Variants in CLYBL observed in about 807,000 individuals in gnomAD.
CLYBL encodes the protein citramalyl-CoA lyase, also known as citramalyl-CoA lyase, mitochondrial.
In CLYBL, 31 loss-of-function variants were observed where a neutral mutation model predicts 38.9. The ratio of observed to expected loss-of-function variants is 0.80; its 90% CI spans 0.60 to 1.08. The LOEUF (loss-of-function observed/expected upper bound fraction) is 1.08. Among genes scored for constraint, CLYBL ranks in the 50% least tolerant of loss-of-function variants. The probability of loss-of-function intolerance (pLI) is 0.00; values close to 1 mark genes in which losing one functional copy is unlikely to be tolerated. For synonymous variants in CLYBL, 171 were observed against 158.6 expected (o/e 1.08, Z -0.59); for missense variants, 434 against 411.6 (o/e 1.05, Z -0.47).
intron 1 of CLYBL, among the ~76,000 whole-genome samples, chr13:99,698,070 A>G (rs1844526839): frequency 6.6e-6 from 1 of 152,224 alleles, no homozygotes; most frequent in Non-Finnish European, 1.5e-5. Context: ...GTGTGGCCTA[A>G]TACTAAATTT....
At chr13:99,847,440 T>TG (rs1351085524) in intron 2 of CLYBL, among the ~76,000 whole-genome samples, 3 of 152,070 alleles carry the variant, frequency 2.0e-5, no homozygotes, top group African/African-American at 7.2e-5. Flanking sequence ...CCCGGAGAAG[T>TG]GGGGAAACAT....
intron 1 of CLYBL, among the ~76,000 whole-genome samples, chr13:99,676,187 T>TCCGTC (rs1566606796): frequency 3.9e-4 from 2 of 5,104 alleles, no homozygotes; most frequent in African/African-American, 3.2e-4. Flanking sequence ...CCTCCGTCCG[T>TCCGTC]CCTTCCTTCC....
chr13:99,785,325 C>T (rs1274658188), intron 2 of CLYBL, among the ~76,000 whole-genome samples: 1 of 148,814 alleles, frequency 6.7e-6, no homozygotes, highest in Non-Finnish European at 1.5e-5. Context: ...CCTCCCACTT[C>T]AGCCTCTTGA....
chr13:99,831,253 A>G (rs899183807), intron 2 of CLYBL, among the ~76,000 whole-genome samples: 1 of 152,214 alleles, frequency 6.6e-6, no homozygotes, highest in Non-Finnish European at 1.5e-5. Flanking sequence ...TTAAGCTGCC[A>G]ATTTTATGGT....
At position 99,869,734 on chromosome 13, in the gene CLYBL, G is replaced by A. The variant is rs755798730; in HGVS notation, c.803-1204G>A. ...AGAATAATGACAATAGGAATTGACA[G>A]CAAGGATATAAAACATCAAGGATAT... On this transcript the variant is annotated intron_variant, in intron 6 of 8. Coordinates refer to ENST00000339105, the MANE Select transcript of CLYBL (RefSeq NM_206808.5). This position sits in a 1 kb window ranked among gnomAD's most constrained non-coding sequence, Gnocchi z 4.3. Among the ~76,000 whole-genome samples, 1 of 151,992 alleles carries A rather than the reference G, an allele frequency of 6.6e-6. No homozygotes were observed. The highest frequency in any genetic ancestry group is 1.9e-4 in the East Asian group (1 of 5,194).
At chr13:99,731,915 T>C in intron 1 of CLYBL, among the ~76,000 whole-genome samples, 1 of 152,118 alleles carries the variant, frequency 6.6e-6, no homozygotes, top group Non-Finnish European at 1.5e-5. Flanking sequence ...TGTCCTTTAA[T>C]TGCTTCTCCC....
At chr13:99,635,789 G>A (rs2047009980) in intron 1 of CLYBL, among the ~76,000 whole-genome samples, 1 of 152,140 alleles carries the variant, frequency 6.6e-6, no homozygotes, top group Non-Finnish European at 1.5e-5. Context: ...ATGAGCTCAG[G>A]CAAGTTGTTT....
chr13:99,891,200 G>A (rs142574918), intron 7 of CLYBL, 118 bp from the exon 8 acceptor site: 231 of 731,268 alleles, frequency 3.2e-4, no homozygotes, highest in African/African-American at 2.6e-3. Flanking sequence ...AAAGTTGGGC[G>A]GGAAAGTCAG....
At chr13:99,668,757 A>G (rs1480565575) in intron 1 of CLYBL, among the ~76,000 whole-genome samples, 1 of 152,066 alleles carries the variant, frequency 6.6e-6, no homozygotes, top group East Asian at 1.9e-4. Flanking sequence ...GGCTTCTGGG[A>G]TGCCAAGCTG....
At chr13:99,718,243 A>C (rs965758791) in intron 1 of CLYBL, among the ~76,000 whole-genome samples, 1 of 152,070 alleles carries the variant, frequency 6.6e-6, no homozygotes. Context: ...TTAGGGAGTA[A>C]ATGATTATGA....
intron 1 of CLYBL, among the ~76,000 whole-genome samples, chr13:99,720,482 G>T (rs1207121429): frequency 6.6e-6 from 1 of 151,950 alleles, no homozygotes; most frequent in African/African-American, 2.4e-5. Flanking sequence ...CGCTCCTTTG[G>T]ATCCCACTCT....
At chr13:99,676,214 T>TTCC (rs2047646060) in intron 1 of CLYBL, among the ~76,000 whole-genome samples, 1 of 142,384 alleles carries the variant, frequency 7.0e-6, no homozygotes, top group Non-Finnish European at 1.6e-5. Flanking sequence ...CCTTCCTTCC[T>TTCC]TCCTTCCTTC....
chr13:99,638,629 G>T (rs905404464), intron 1 of CLYBL, among the ~76,000 whole-genome samples: 12 of 152,222 alleles, frequency 7.9e-5, no homozygotes, highest in Non-Finnish European at 1.5e-4. Context: ...AGCTTACTAT[G>T]CTCTGGGCAC....
At chr13:99,715,846 T>G (rs2048304004) in intron 1 of CLYBL, among the ~76,000 whole-genome samples, 1 of 152,184 alleles carries the variant, frequency 6.6e-6, no homozygotes, top group Non-Finnish European at 1.5e-5. Context: ...ACTTGTTGAT[T>G]CACTCTCCAT....
At chr13:99,686,035 T>G (rs2047812808) in intron 1 of CLYBL, among the ~76,000 whole-genome samples, 1 of 152,144 alleles carries the variant, frequency 6.6e-6, no homozygotes, top group Non-Finnish European at 1.5e-5. Context: ...ATTCCTGCTA[T>G]ACAGTCAAAC....
intron 2 of CLYBL, among the ~76,000 whole-genome samples, chr13:99,818,374 CTG>C (rs922026677): frequency 6.6e-5 from 10 of 151,932 alleles, no homozygotes; most frequent in Middle Eastern, 3.4e-3. Flanking sequence ...TAGAGAAAGA[CTG>C]TGGGAGTTAC....
chr13:99,667,839 G>A (rs1279398858), intron 1 of CLYBL, among the ~76,000 whole-genome samples: 1 of 152,300 alleles, frequency 6.6e-6, no homozygotes, highest in South Asian at 2.1e-4. Flanking sequence ...CAAATGGTCT[G>A]TTTTGGAACA....
chr13:99,874,796 AC>A (rs1384183186), intron 7 of CLYBL, among the ~76,000 whole-genome samples: 2 of 152,226 alleles, frequency 1.3e-5, no homozygotes, highest in Non-Finnish European at 2.9e-5. Context: ...GCTAAAGGAA[AC>A]AGTCAGTTGC....
intron 1 of CLYBL, among the ~76,000 whole-genome samples, chr13:99,623,879 A>C (rs984913986): frequency 3.3e-5 from 5 of 151,788 alleles, no homozygotes; most frequent in Non-Finnish European, 7.4e-5. Context: ...GAATCGCTTT[A>C]ACCTGGGAGG....
Sources: gnomAD v4.1 joint callset for allele counts (sites outside exome capture counted in the v4.1 genomes callset) on GRCh38, gnomAD v4.1.1 for gene constraint, Gnocchi (gnomAD v3.1) non-coding constraint, MANE v1.5 for transcripts, NCBI Gene and HGNC (gene_info 2026-07-23, HGNC 2026-07-21) for gene names.